Variants in ZNF148 observed in about 807,000 individuals in gnomAD.
The protein encoded by ZNF148 is Beta-Enolase Repressor Factor-1.
Under a neutral mutation model 67.7 loss-of-function variants are expected in ZNF148, and 7 were observed. The ratio of observed to expected loss-of-function variants is 0.10; its 90% CI spans 0.06 to 0.19. The LOEUF (loss-of-function observed/expected upper bound fraction) is 0.19. Ranked by LOEUF, ZNF148 falls within the 10% of genes least tolerant of loss-of-function variation. The pLI, the probability that ZNF148 is intolerant of heterozygous loss-of-function variation, is 1.00. For synonymous variants in ZNF148, 333 were observed against 330.7 expected (o/e 1.01, Z -0.08); for missense variants, 583 against 947.1 (o/e 0.62, Z 5.05).
At chr3:125,318,802 A>G (rs1940638221) in intron 3 of ZNF148, among the ~76,000 whole-genome samples, 1 of 152,214 alleles carries the variant, frequency 6.6e-6, no homozygotes, top group South Asian at 2.1e-4. Context: ...AGGAAAGAGA[A>G]AGGAAGGAGA....
chr3:125,295,367 A>G (rs1939227458), intron 4 of ZNF148, among the ~76,000 whole-genome samples: 1 of 151,850 alleles, frequency 6.6e-6, no homozygotes, highest in Admixed American at 6.6e-5. Context: ...GCAGGAAAAT[A>G]GCTTGAACCC....
At chr3:125,299,983 T>C (rs1939502160) in intron 4 of ZNF148, among the ~76,000 whole-genome samples, 3 of 152,220 alleles carry the variant, frequency 2.0e-5, no homozygotes, top group African/African-American at 7.2e-5. Context: ...TTGTTGTTGT[T>C]GTTTCTGAGG....
In ZNF148 at chr3:125,298,879, G is replaced by A. The variant is rs553258155; in HGVS notation, c.334-10651C>T. 3.9e-5 allele frequency among the ~76,000 whole-genome samples: 6 copies of A among 151,960 alleles called. No homozygotes were observed. The South Asian group carries it at 6.2e-4, about 16-fold the overall frequency. On this transcript the variant is annotated intron_variant, in intron 4 of 8. Transcript: ENST00000360647. ...CCTGACCTCGTGATCCGTCCGCCTC[G>A]GCCTCCCAAAGTGCTGGGATTACAG...
chr3:125,274,929 G>T (rs1937967709), intron 7 of ZNF148, among the ~76,000 whole-genome samples: 1 of 152,102 alleles, frequency 6.6e-6, no homozygotes. Context: ...TACAAATAAA[G>T]AAAGCCTTCA....
At position 125,229,421 on chromosome 3, in the gene ZNF148, G is replaced by A. The variant is rs984655448; in HGVS notation, c.*2920C>T. ...ACCCTCAGCCAGAGCTAAGAAGATG[G>A]ATTCCTACCTTGTTAAGTACCACAT... On this transcript the variant is annotated 3_prime_UTR_variant, in exon 9 of 9. Coordinates refer to ENST00000360647, the MANE Select transcript of ZNF148 (RefSeq NM_021964.3). 4.6e-5 allele frequency: 7 copies of A among 152,022 alleles called. No homozygotes were observed. The highest frequency in any genetic ancestry group is 1.7e-4 in the African/African-American group (7 of 41,394). The allele number at this position is 152,022 out of a possible 1,614,324, so 9.4% of individuals were successfully genotyped here.
chr3:125,313,722 T>G (rs1284018374), intron 3 of ZNF148, 66 bp from the exon 4 acceptor site: 4 of 1,278,194 alleles, frequency 3.1e-6, no homozygotes, highest in Non-Finnish European at 4.3e-6. Flanking sequence ...CATTTTAAAT[T>G]TTCAAATTAA....
chr3:125,278,337 C>T (rs1186679982), intron 6 of ZNF148, among the ~76,000 whole-genome samples: 1 of 152,120 alleles, frequency 6.6e-6, no homozygotes, highest in Non-Finnish European at 1.5e-5. Context: ...CTGGCCTGCT[C>T]TATGCTGAGA....
At chr3:125,256,095 C>T (rs542128809) in intron 7 of ZNF148, among the ~76,000 whole-genome samples, 1 of 151,884 alleles carries the variant, frequency 6.6e-6, no homozygotes, top group South Asian at 2.1e-4. Flanking sequence ...AAAAAATCGG[C>T]GGGGCGCAGT....
intron 4 of ZNF148, among the ~76,000 whole-genome samples, chr3:125,306,045 T>G (rs1285419666): frequency 6.6e-6 from 1 of 152,016 alleles, no homozygotes; most frequent in African/African-American, 2.4e-5. Flanking sequence ...TCTGGAAAAC[T>G]TCAAAATATT....
intron 7 of ZNF148, among the ~76,000 whole-genome samples, chr3:125,256,130 G>A (rs1330401708): frequency 2.0e-5 from 3 of 150,706 alleles, no homozygotes; most frequent in African/African-American, 7.3e-5. Context: ...TTGGGAGGCC[G>A]AGGCGGGTGG....
chr3:125,308,227 G>C (rs1156720816), intron 4 of ZNF148, among the ~76,000 whole-genome samples: 1 of 152,038 alleles, frequency 6.6e-6, no homozygotes, highest in Non-Finnish European at 1.5e-5. Flanking sequence ...AATATAAAAA[G>C]AATCAACTGC....
intron 7 of ZNF148, among the ~76,000 whole-genome samples, chr3:125,276,011 T>G (rs768823683): frequency 8.5e-5 from 13 of 152,202 alleles, no homozygotes; most frequent in Non-Finnish European, 1.9e-4. Context: ...TGCTTGCTTA[T>G]ATGTGTGTTT....
intron 1 of ZNF148, among the ~76,000 whole-genome samples, chr3:125,363,846 G>A (rs555368777): frequency 7.9e-5 from 12 of 151,750 alleles, no homozygotes; most frequent in African/African-American, 1.5e-4. Flanking sequence ...ACAAGGTTTC[G>A]CCATGTTGCC....
At chr3:125,304,682 T>C (rs559080264) in intron 4 of ZNF148, among the ~76,000 whole-genome samples, 6 of 152,306 alleles carry the variant, frequency 3.9e-5, no homozygotes, top group East Asian at 3.9e-4. Context: ...ATGGAAATTA[T>C]AGAAAGGAAT....
chr3:125,329,920 T>C (rs1299648126), intron 2 of ZNF148, among the ~76,000 whole-genome samples: 9 of 152,184 alleles, frequency 5.9e-5, no homozygotes, highest in Non-Finnish European at 1.0e-4. Flanking sequence ...AGCACACATA[T>C]AAATACTTGT....
intron 7 of ZNF148, 119 bp downstream of exon 7, chr3:125,277,607 C>A: frequency 1.3e-6 from 1 of 752,800 alleles, no homozygotes; most frequent in African/African-American, 1.9e-5. Context: ...AAAAGATAAC[C>A]TGTGATTTAT....
In ZNF148 at chr3:125,309,227, T is replaced by A. The variant is rs72973866; in HGVS notation, c.333+4081A>T. On this transcript the variant is annotated intron_variant, in intron 4 of 8. Coordinates refer to ENST00000360647, the MANE Select transcript of ZNF148 (RefSeq NM_021964.3). ...AGAATCTGAACATTTCACTTTAAACTTTTCCTCAATTAAAAACAGAATGTA... is the reference window on the plus strand; with the variant it reads ...AGAATCTGAACATTTCACTTTAAACATTTCCTCAATTAAAAACAGAATGTA... Among the ~76,000 whole-genome samples the A allele has an allele frequency of 8.9e-3, 1,354 of 152,264 alleles. 14 individuals carry two copies. The highest frequency in any genetic ancestry group is 0.031 in the African/African-American group (1,300 of 41,528).
At chr3:125,286,681 TAATA>T (rs1234193239) in intron 5 of ZNF148, among the ~76,000 whole-genome samples, 1 of 152,168 alleles carries the variant, frequency 6.6e-6, no homozygotes, top group Admixed American at 6.5e-5. Flanking sequence ...ATTATGTAGC[TAATA>T]AATGATTACA....
chr3:125,340,688 G>C (rs1941676350), intron 1 of ZNF148, among the ~76,000 whole-genome samples: 1 of 152,140 alleles, frequency 6.6e-6, no homozygotes, highest in African/African-American at 2.4e-5. Flanking sequence ...TAAGGTAACA[G>C]ATAAAATGTC....
Sources: gnomAD v4.1 joint callset for allele counts (sites outside exome capture counted in the v4.1 genomes callset) on GRCh38, gnomAD v4.1.1 for gene constraint, MANE v1.5 for transcripts, NCBI Gene and HGNC (gene_info 2026-07-23, HGNC 2026-07-21) for gene names.